The following POLK variants were observed in gnomAD, a reference collection of about 807,000 sequenced individuals.
POLK encodes the protein DNA polymerase kappa, also known as polymerase (DNA directed) kappa.
In POLK, 76 loss-of-function variants were observed where a neutral mutation model predicts 94.0. That is an observed-to-expected ratio of 0.81 (90% CI 0.67 to 0.98). POLK has a LOEUF of 0.98. Among genes scored for constraint, POLK ranks in the 50% least tolerant of loss-of-function variants. The pLI is 0.00. For synonymous variants in POLK, 349 were observed against 325.4 expected (o/e 1.07, Z -0.78); for missense variants, 954 against 1,010.1 (o/e 0.94, Z 0.75).
chr5:75,533,761 T>C (rs1335693654), intron 1 of POLK, among the ~76,000 whole-genome samples: 1 of 152,226 alleles, frequency 6.6e-6, no homozygotes, highest in Non-Finnish European at 1.5e-5. Context: ...ATCTCTGATT[T>C]CTTTGAGCAG....
At chr5:75,543,168 G>T (rs1049254502) in intron 1 of POLK, among the ~76,000 whole-genome samples, 3 of 151,572 alleles carry the variant, frequency 2.0e-5, no homozygotes, top group Non-Finnish European at 4.4e-5. Flanking sequence ...TCAGCCTCCT[G>T]AGTAGCTGGG....
chr5:75,569,191 G>GGGT (rs1188698002), intron 3 of POLK, 149 bp from the exon 4 acceptor site: 1 of 582,600 alleles, frequency 1.7e-6, no homozygotes, highest in Non-Finnish European at 3.0e-6. Flanking sequence ...GTAAGTGGAT[G>GGGT]GGTGGATGGA....
chr5:75,604,497 C>T (rs1460645551), downstream of POLK, among the ~76,000 whole-genome samples: 1 of 152,170 alleles, frequency 6.6e-6, no homozygotes, highest in Non-Finnish European at 1.5e-5. Flanking sequence ...ATCGCAGCTT[C>T]CCAAGTAGCT....
chr5:75,588,879 A>G (rs1024590174), intron 10 of POLK, among the ~76,000 whole-genome samples: 2 of 152,200 alleles, frequency 1.3e-5, no homozygotes, highest in Admixed American at 6.5e-5. Context: ...TGGACATTCC[A>G]GAGTAATCTC....
intron 1 of POLK, among the ~76,000 whole-genome samples, chr5:75,539,683 C>A (rs1769637738): frequency 6.6e-6 from 1 of 151,844 alleles, no homozygotes; most frequent in Admixed American, 6.6e-5. Context: ...GGTCTCAAAC[C>A]CCTGGGCTCA....
At chr5:75,589,524 C>G (rs1238158146) in intron 10 of POLK, among the ~76,000 whole-genome samples, 1 of 151,776 alleles carries the variant, frequency 6.6e-6, no homozygotes, top group Non-Finnish European at 1.5e-5. Context: ...GATCTCGGTT[C>G]ACTGCAAGCT....
intron 1 of POLK, chr5:75,538,465 T>A (rs1327110210): frequency 6.6e-6 from 1 of 152,228 alleles, no homozygotes; most frequent in African/African-American, 2.4e-5. Context: ...TAACTCATGC[T>A]TTCTTTCATA....
chr5:75,571,619 C>G (rs1771605586), intron 4 of POLK, among the ~76,000 whole-genome samples: 1 of 152,152 alleles, frequency 6.6e-6, no homozygotes, highest in Non-Finnish European at 1.5e-5. Context: ...TTTCTCCTCT[C>G]CATTGTTGCT....
intron 1 of POLK, among the ~76,000 whole-genome samples, chr5:75,526,248 G>T (rs2112553710): frequency 6.6e-6 from 1 of 152,020 alleles, no homozygotes; most frequent in East Asian, 1.9e-4. Context: ...AAAAAGAAAA[G>T]GGAAGAAACC....
exon 15 of POLK, chr5:75,598,168 A>G (rs578040753): frequency 1.2e-5 from 5 of 416,102 alleles, no homozygotes; most frequent in Non-Finnish European, 2.2e-5. Context: ...TCTAAGATAC[A>G]TATACTGATT....
chr5:75,579,138 C>T (rs1402038447), intron 6 of POLK, among the ~76,000 whole-genome samples: 1 of 152,172 alleles, frequency 6.6e-6, no homozygotes, highest in Non-Finnish European at 1.5e-5. Flanking sequence ...TCACTTCCTG[C>T]TGTATAGTTC....
chr5:75,552,703 T>A, intron 3 of POLK, 112 bp downstream of exon 3: 1 of 1,082,108 alleles, frequency 9.2e-7, no homozygotes, highest in South Asian at 1.6e-5. Context: ...GTTCATTATA[T>A]TGTAAAGCAT....
At chr5:75,528,979 T>C (rs1003364418) in intron 1 of POLK, among the ~76,000 whole-genome samples, 1 of 152,246 alleles carries the variant, frequency 6.6e-6, no homozygotes, top group African/African-American at 2.4e-5. Context: ...TGATATAAAA[T>C]GGCATAGCAT....
At chr5:75,545,505 C>T (rs1769966430) in intron 1 of POLK, among the ~76,000 whole-genome samples, 1 of 152,110 alleles carries the variant, frequency 6.6e-6, no homozygotes, top group Non-Finnish European at 1.5e-5. Context: ...TCATTTTTTT[C>T]TCCCTAATAT....
exon 12 of POLK, chr5:75,594,041 G>C: frequency 6.3e-7 from 1 of 1,585,480 alleles, no homozygotes; most frequent in South Asian, 1.2e-5. Context: ...TTGAGATTAA[G>C]GCTTATGGGT....
chr5:75,581,682 T>C (rs5744670), intron 7 of POLK: 14 of 383,158 alleles, frequency 3.7e-5, no homozygotes, highest in Non-Finnish European at 5.2e-5. Context: ...TTCTTTCTTT[T>C]TTTTTTTTTT....
chr5:75,605,209 G>C (rs1773391286), downstream of POLK, among the ~76,000 whole-genome samples: 1 of 151,594 alleles, frequency 6.6e-6, no homozygotes, highest in Non-Finnish European at 1.5e-5. Flanking sequence ...CTCTTGTAGG[G>C]CCTCTTGAAA....
chr5:75,513,734 C>T (rs1409586535), intron 1 of POLK, among the ~76,000 whole-genome samples: 4 of 152,156 alleles, frequency 2.6e-5, no homozygotes, highest in Non-Finnish European at 5.9e-5. Flanking sequence ...TTCACTATAA[C>T]ATTGGAAAAT....
downstream of POLK, among the ~76,000 whole-genome samples, chr5:75,603,960 G>A (rs1287223196): frequency 2.0e-5 from 3 of 152,108 alleles, no homozygotes; most frequent in African/African-American, 7.2e-5. Flanking sequence ...CAGATTGTAG[G>A]CCCCAAGAGA....
Sources: gnomAD v4.1 joint callset for allele counts (sites outside exome capture counted in the v4.1 genomes callset) on GRCh38, gnomAD v4.1.1 for gene constraint, MANE v1.5 for transcripts, NCBI Gene and HGNC (gene_info 2026-07-23, HGNC 2026-07-21) for gene names.